Variants in PTPRN2 observed in about 807,000 individuals in gnomAD.
PTPRN2 encodes the protein receptor-type tyrosine-protein phosphatase N2.
Under a neutral mutation model 118.8 loss-of-function variants are expected in PTPRN2, and 74 were observed. The observed-to-expected ratio is 0.62, with a 90% confidence interval of 0.52 to 0.76. PTPRN2 has a LOEUF of 0.76. Among genes scored for constraint, PTPRN2 ranks in the 30% least tolerant of loss-of-function variants. PTPRN2 has a pLI of 0.00. For missense variants in PTPRN2, 1,481 were observed against 1,394.4 expected, an observed-to-expected ratio of 1.06 and a Z score of -0.99; for synonymous variants, 641 against 608.0, an observed-to-expected ratio of 1.05 and a Z score of -0.80.
rs187261139 is a variant in PTPRN2, at chr7:157,701,594, C to T, written c.1789-18657G>A. On this transcript the variant is annotated intron_variant, in intron 12 of 22. Coordinates refer to ENST00000389418, the MANE Select transcript of PTPRN2 (RefSeq NM_002847.5). ...TCCAGGGGCGTCTCCTCCTGTCACT[C>T]AGCGCTGCCCCCAGACCCTTCCTAC... 4.8e-4 allele frequency among the ~76,000 whole-genome samples: 73 copies of T among 152,354 alleles called. 1 individual carries two copies. In the East Asian group the frequency reaches 0.013, roughly 26 times the overall value.
At position 157,539,302 on chromosome 7, in the gene PTPRN2, T is replaced by C. The variant is rs564851017; in HGVS notation, c.*1412A>G. The C allele has an allele frequency of 6.6e-6, 1 of 152,044 alleles. No individual in the cohort carries two copies. The highest frequency in any genetic ancestry group is 2.1e-4 in the South Asian group (1 of 4,828). The allele number at this position is 152,044 out of a possible 1,614,324, so 9.4% of individuals were successfully genotyped here. On this transcript the variant is annotated 3_prime_UTR_variant, in exon 23 of 23. Transcript: ENST00000389418. ...GACATAAGCAATATTTTGGCATCATTCTGTCCGCTCAGTAGGCCGTGTTCC... is the reference window on the plus strand; with the variant it reads ...GACATAAGCAATATTTTGGCATCATCCTGTCCGCTCAGTAGGCCGTGTTCC...
intron 11 of PTPRN2, among the ~76,000 whole-genome samples, chr7:158,017,745 G>T (rs1806556239): frequency 6.6e-6 from 1 of 152,116 alleles, no homozygotes; most frequent in Non-Finnish European, 1.5e-5. Flanking sequence ...CACCCAGCCA[G>T]GGCTGGGCGG....
At chr7:158,543,870 C>G (rs189924005) in intron 1 of PTPRN2, among the ~76,000 whole-genome samples, 1 of 152,258 alleles carries the variant, frequency 6.6e-6, no homozygotes, top group Non-Finnish European at 1.5e-5. Context: ...GTCAGCCTCC[C>G]GGCTAAGCTG....
rs1233121498 is a variant in PTPRN2 at position 158,134,076 on chromosome 7, T to G, written c.1174-17A>C. 3 of 1,604,756 alleles carry G rather than the reference T, an allele frequency of 1.9e-6. No homozygotes were observed. Among genetic ancestry groups the G allele is most frequent in the Non-Finnish European group, 2.6e-6 (3 of 1,174,342 alleles). On this transcript the variant is annotated splice_polypyrimidine_tract_variant and intron_variant, in intron 8 of 22. Transcript: ENST00000389418. ...ACGATGGACCTGACAGAGAGGACAT[T>G]CCGTGAGGGACGTCTGCGAAAGGAA...
intron 11 of PTPRN2, among the ~76,000 whole-genome samples, chr7:157,946,463 G>A (rs1800495829): frequency 1.3e-5 from 2 of 152,190 alleles, no homozygotes; most frequent in South Asian, 2.1e-4. Context: ...GACTCTGCAT[G>A]TCACCATGTT....
intron 3 of PTPRN2, among the ~76,000 whole-genome samples, chr7:158,260,364 C>T (rs1797315863): frequency 1.3e-5 from 2 of 152,262 alleles, no homozygotes; most frequent in Non-Finnish European, 1.5e-5. Flanking sequence ...TTAAATAATT[C>T]CATGGGGAAA....
At chr7:158,177,045 G>A (rs1212177252) in intron 5 of PTPRN2, among the ~76,000 whole-genome samples, 1 of 152,246 alleles carries the variant, frequency 6.6e-6, no homozygotes, top group African/African-American at 2.4e-5. Flanking sequence ...GGCTGTTCTG[G>A]ATAGAGCCAC....
intron 3 of PTPRN2, among the ~76,000 whole-genome samples, chr7:158,257,890 C>A (rs192113523): frequency 2.4e-4 from 36 of 152,370 alleles, no homozygotes; most frequent in African/African-American, 7.9e-4. Flanking sequence ...GCTGACAGTA[C>A]CCTGGCTTCG....
At chr7:157,589,037 C>T (rs1470454689) in intron 17 of PTPRN2, among the ~76,000 whole-genome samples, 2 of 152,292 alleles carry the variant, frequency 1.3e-5, no homozygotes, top group Admixed American at 1.3e-4. Flanking sequence ...GTTCTACAAC[C>T]GTCACCGTCA....
intron 2 of PTPRN2, among the ~76,000 whole-genome samples, chr7:158,325,104 C>A (rs1399726703): frequency 1.3e-5 from 2 of 150,850 alleles, no homozygotes; most frequent in South Asian, 2.1e-4. Flanking sequence ...ACAATTCTCC[C>A]CAGAGATCCA....
At chr7:158,272,835 C>T (rs1798604789) in intron 3 of PTPRN2, among the ~76,000 whole-genome samples, 1 of 152,118 alleles carries the variant, frequency 6.6e-6, no homozygotes, top group Non-Finnish European at 1.5e-5. Flanking sequence ...GGTGGGAAGG[C>T]TGAGTGGATG....
At chr7:158,334,745 G>C (rs62480929) in intron 2 of PTPRN2, among the ~76,000 whole-genome samples, 6 of 20,394 alleles carry the variant, frequency 2.9e-4, no homozygotes, top group Admixed American at 6.2e-4. Context: ...ACCATAAGAG[G>C]TGACGCCCGC....
chr7:158,571,525 C>T lies in PTPRN2; in HGVS notation c.112+16033G>A, dbSNP rs12698260. On this transcript the variant is annotated intron_variant, in intron 1 of 22. Coordinates refer to ENST00000389418, the MANE Select transcript of PTPRN2 (RefSeq NM_002847.5). Reference sequence around the variant, plus strand: ...AACAAAAAAAAACACACACCTATTTCTTTTTTTTTTTTTTTTTTTTTCTTT... The same window carrying T: ...AACAAAAAAAAACACACACCTATTTTTTTTTTTTTTTTTTTTTTTTTCTTT... Among the ~76,000 whole-genome samples, 631 of 71,542 alleles carry T rather than the reference C, an allele frequency of 8.8e-3. 12 individuals are homozygous for T. Among genetic ancestry groups the T allele is most frequent in the South Asian group, 0.02 (38 of 1,940 alleles). The allele number at this position is 71,542 out of a possible 152,430, so 46.9% of individuals were successfully genotyped here.
chr7:157,966,378 T>C (rs958516684), intron 11 of PTPRN2, among the ~76,000 whole-genome samples: 3 of 152,060 alleles, frequency 2.0e-5, no homozygotes, highest in Admixed American at 2.0e-4. Context: ...ATCACCATCA[T>C]TACCATCATC....
chr7:158,433,686 T>C (rs1816381813), intron 2 of PTPRN2, among the ~76,000 whole-genome samples: 1 of 152,198 alleles, frequency 6.6e-6, no homozygotes. Context: ...GTACATTTGT[T>C]TTCTATTACA....
chr7:157,935,085 A>C (rs957817310), intron 11 of PTPRN2, among the ~76,000 whole-genome samples: 1 of 152,096 alleles, frequency 6.6e-6, no homozygotes, highest in East Asian at 1.9e-4. Flanking sequence ...AAGATTTTCT[A>C]TCTTTGGTAT....
chr7:158,312,908 G>A (rs112384419), intron 3 of PTPRN2, among the ~76,000 whole-genome samples: 3,528 of 151,836 alleles, frequency 0.023, 145 homozygotes, highest in African/African-American at 0.079. Context: ...GCATGCATGT[G>A]TGGGGATGTC....
Position 157,682,757 on chromosome 7 carries a change from C to G in PTPRN2, c.1969G>C (p.Asp657His), listed in dbSNP as rs375618636. 1 of 1,613,974 alleles carries G rather than the reference C, an allele frequency of 6.2e-7. No individual in the cohort carries two copies. The highest frequency in any genetic ancestry group is 1.1e-5 in the South Asian group (1 of 91,076). The change falls in exon 13 of 23, where the codon GAC becomes CAC. Residue 657 changes from aspartate (D) to histidine (H), a missense_variant. By Grantham distance (81) the Asp-to-His change is moderately conservative. Coordinates refer to ENST00000389418, the MANE Select transcript of PTPRN2 (RefSeq NM_002847.5). ...GCGGCAGTGGCATCTGCACCTGGGT[C>G]GCCCCCTAGTCCCGAGAGCTTCTCC... ...LKEKLSGLGG[D>H]PGADATAAYQ...
intron 12 of PTPRN2, among the ~76,000 whole-genome samples, chr7:157,858,124 CCCACA>C (rs1289179946): frequency 6.0e-4 from 56 of 92,738 alleles, no homozygotes; most frequent in Non-Finnish European, 8.5e-4. Context: ...CCAGCCACCA[CCCACA>C]CTCCTGCAGG....
Sources: allele counts gnomAD v4.1 joint callset (sites outside exome capture counted in the v4.1 genomes callset), GRCh38; gene constraint gnomAD v4.1.1; transcripts MANE v1.5; gene names NCBI Gene and HGNC (gene_info 2026-07-23, HGNC 2026-07-21).